Variants in CCDC102B observed in about 807,000 individuals in gnomAD.
CCDC102B encodes coiled-coil domain-containing protein 102B.
In CCDC102B, 75 loss-of-function variants were observed where a neutral mutation model predicts 57.4. That is an observed-to-expected ratio of 1.31 (90% CI 1.08 to 1.58). The LOEUF (loss-of-function observed/expected upper bound fraction) is 1.58, where lower values mean the gene tolerates loss of function less well. Ranked by LOEUF, CCDC102B falls within the 40% of genes most tolerant of loss-of-function variation. The pLI is 0.00. For missense variants in CCDC102B, 636 were observed against 582.6 expected (o/e 1.09, Z -0.94); for synonymous variants, 206 against 201.9 (o/e 1.02, Z -0.17).
At chr18:68,920,116 C>T (rs549499751) in intron 6 of CCDC102B, among the ~76,000 whole-genome samples, 7 of 152,086 alleles carry the variant, frequency 4.6e-5, no homozygotes, top group African/African-American at 1.7e-4. Flanking sequence ...CTCCCTCTCC[C>T]ACCCTCCACC....
chr18:68,982,994 C>T (rs1467516797), intron 6 of CCDC102B, among the ~76,000 whole-genome samples: 1 of 151,794 alleles, frequency 6.6e-6, no homozygotes, highest in Admixed American at 6.6e-5. Flanking sequence ...TCACAAACCA[C>T]AAGGATTTGT....
intron 4 of CCDC102B, among the ~76,000 whole-genome samples, chr18:68,867,656 C>A (rs1220025635): frequency 1.3e-5 from 2 of 152,066 alleles, no homozygotes; most frequent in Non-Finnish European, 2.9e-5. Context: ...GCTAGCTGGC[C>A]GGGCGCAGTG....
At chr18:68,916,085 T>C (rs2041063058) in intron 6 of CCDC102B, among the ~76,000 whole-genome samples, 1 of 152,224 alleles carries the variant, frequency 6.6e-6, no homozygotes, top group East Asian at 1.9e-4. Context: ...CCTTTGTTTA[T>C]TCATGTAGTC....
intron 6 of CCDC102B, among the ~76,000 whole-genome samples, chr18:69,008,302 T>C (rs2051407082): frequency 6.6e-6 from 1 of 152,146 alleles, no homozygotes; most frequent in South Asian, 2.1e-4. Context: ...AAGTGTAATG[T>C]GTGGTATAAT....
intron 2 of CCDC102B, among the ~76,000 whole-genome samples, chr18:68,741,667 T>TCACACACA (rs60407642): frequency 5.5e-4 from 77 of 140,366 alleles, no homozygotes; most frequent in African/African-American, 2.0e-3. Flanking sequence ...TGAAGACTGG[T>TCACACACA]CACACACACA....
intron 6 of CCDC102B, among the ~76,000 whole-genome samples, chr18:68,937,909 C>T (rs914338638): frequency 2.6e-5 from 4 of 152,056 alleles, no homozygotes; most frequent in Non-Finnish European, 5.9e-5. Context: ...TTTCCAGCTT[C>T]ATCCATGTCT....
At chr18:68,715,317 G>A (rs1415623535) in exon 1 of CCDC102B, 18 of 1,129,384 alleles carry the variant, frequency 1.6e-5, no homozygotes, top group Non-Finnish European at 2.0e-5. Flanking sequence ...ACTGGGGCGC[G>A]TTTCCGGGAA....
chr18:68,922,690 T>C (rs1431543648), intron 6 of CCDC102B, among the ~76,000 whole-genome samples: 1 of 152,056 alleles, frequency 6.6e-6, no homozygotes, highest in African/African-American at 2.4e-5. Context: ...GTTGTTGCGG[T>C]TTCTTCTCTC....
chr18:68,932,030 T>A (rs1028251978), intron 6 of CCDC102B, among the ~76,000 whole-genome samples: 1 of 151,984 alleles, frequency 6.6e-6, no homozygotes, highest in African/African-American at 2.4e-5. Context: ...ATTCAGTGAA[T>A]GTTTACTGAA....
intron 6 of CCDC102B, among the ~76,000 whole-genome samples, chr18:68,916,154 G>C (rs887544152): frequency 4.0e-5 from 6 of 151,650 alleles, no homozygotes; most frequent in African/African-American, 1.5e-4. Context: ...AGAATAAATA[G>C]ATAGATAGAT....
intron 2 of CCDC102B, chr18:68,753,438 C>T (rs1282849802): frequency 6.6e-6 from 1 of 152,094 alleles, no homozygotes; most frequent in African/African-American, 2.4e-5. Context: ...AGTTAACAAG[C>T]TTATTACAGA....
intron 6 of CCDC102B, among the ~76,000 whole-genome samples, chr18:68,926,292 C>A (rs989511372): frequency 1.3e-5 from 2 of 151,598 alleles, no homozygotes; most frequent in African/African-American, 4.8e-5. Flanking sequence ...CAAATATAAT[C>A]TCAATATTTA....
At chr18:68,767,040 G>A (rs2034492318) in intron 2 of CCDC102B, among the ~76,000 whole-genome samples, 1 of 152,154 alleles carries the variant, frequency 6.6e-6, no homozygotes, top group Non-Finnish European at 1.5e-5. Context: ...TATAAAACTG[G>A]AAATGTAATA....
At chr18:68,737,522 G>C (rs1466945911) in intron 2 of CCDC102B, among the ~76,000 whole-genome samples, 2 of 151,696 alleles carry the variant, frequency 1.3e-5, no homozygotes, top group Non-Finnish European at 2.9e-5. Context: ...GTGAAGGGAG[G>C]GTTGTGTGTG....
At chr18:69,002,157 G>A (rs927900396) in intron 6 of CCDC102B, among the ~76,000 whole-genome samples, 4 of 152,150 alleles carry the variant, frequency 2.6e-5, no homozygotes, top group Non-Finnish European at 5.9e-5. Flanking sequence ...GTATCAGCTT[G>A]AACAAGCTGG....
At chr18:69,050,104 C>T (rs111800480) in intron 7 of CCDC102B, among the ~76,000 whole-genome samples, 2 of 152,104 alleles carry the variant, frequency 1.3e-5, no homozygotes, top group African/African-American at 2.4e-5. Flanking sequence ...CCACTGCGCA[C>T]GGCCTTAAAT....
At chr18:68,834,432 C>CATAT (rs67872866) in intron 1 of CCDC102B, among the ~76,000 whole-genome samples, 7,603 of 137,530 alleles carry the variant, frequency 0.055, 258 homozygotes, top group East Asian at 0.085. Context: ...TATGTAAATA[C>CATAT]ATATATATAT....
chr18:68,853,672 T>TAAGAAAAA (rs2038241294), intron 4 of CCDC102B, among the ~76,000 whole-genome samples: 1 of 94,680 alleles, frequency 1.1e-5, no homozygotes, highest in African/African-American at 4.7e-5. Flanking sequence ...CCCCAAATTG[T>TAAGAAAAA]AAAAAAAAAA....
At chr18:68,787,116 A>G (rs1157004306) in intron 2 of CCDC102B, among the ~76,000 whole-genome samples, 2 of 151,346 alleles carry the variant, frequency 1.3e-5, no homozygotes, top group Non-Finnish European at 2.9e-5. Context: ...TTCTGTTTAT[A>G]TGCTGGATTA....
Sources: allele counts gnomAD v4.1 joint callset (sites outside exome capture counted in the v4.1 genomes callset), GRCh38; gene constraint gnomAD v4.1.1; transcripts MANE v1.5; gene names NCBI Gene and HGNC (gene_info 2026-07-23, HGNC 2026-07-21).